STARD9: variants seen among roughly 807,000 people sequenced by gnomAD.
STARD9 encodes the protein stAR-related lipid transfer protein 9.
STARD9 carries 346 observed loss-of-function variants against 399.8 expected under a neutral mutation model. The observed-to-expected ratio is 0.87, with a 90% confidence interval of 0.79 to 0.95. The LOEUF is 0.95. STARD9 is among the 40% of genes least tolerant of loss of function. The pLI is 0.00. For synonymous variants in STARD9, 2,203 were observed against 2,143.5 expected, an observed-to-expected ratio of 1.03 and a Z score of -0.77; for missense variants, 5,832 against 5,667.5, an observed-to-expected ratio of 1.03 and a Z score of -0.93.
In STARD9 at chr15:42,692,980, A is replaced by C; in HGVS notation, c.11402A>C (p.Gln3801Pro). ...AQKMAQLLYL[Q>P]EESTPYKPQS... is the part of the protein sequence containing the mutation. ...AAAATGGCTCAGCTCCTCTATCTTC[A>C]GGAAGAAAGCACTCCCTACAAGCCC... Residue 3801 changes from glutamine (Q) to proline (P), a missense_variant, in exon 23 of 33, where the codon CAG (glutamine) becomes CCG (proline). By Grantham distance (76) the Gln-to-Pro change is moderately conservative. Transcript: ENST00000290607. The C allele has an allele frequency of 2.0e-6, 3 of 1,537,238 alleles. No individual in the cohort carries two copies. In the South Asian group the frequency reaches 3.6e-5, roughly 18 times the overall value.
chr15:42,580,396 C>G (rs1595572673), intron 1 of STARD9, among the ~76,000 whole-genome samples: 1 of 152,192 alleles, frequency 6.6e-6, no homozygotes, highest in Admixed American at 6.5e-5. Flanking sequence ...TTAGGCCCAC[C>G]AAGCCTCTGT....
In STARD9 at chr15:42,691,636, A is replaced by G. The variant is rs926336697; in HGVS notation, c.10058A>G (p.Gln3353Arg). The G allele has an allele frequency of 2.0e-6, 3 of 1,537,138 alleles. No individual in the cohort carries two copies. Among genetic ancestry groups the G allele is most frequent in the Admixed American group, 3.9e-5 (2 of 51,002 alleles). ...CCTTCCCCTACAGACGAAGATACAC[A>G]GGGGCCTAACAGATTGTGGAACCCA... ...EPPSPTDEDT[Q>R]GPNRLWNPHL... The change falls in exon 23 of 33, where the codon CAG becomes CGG. Residue 3353 changes from glutamine (Q) to arginine (R), a missense_variant. Physicochemically the swap from Gln to Arg is conservative, Grantham distance 43 (BLOSUM62 1). Around this residue, in one of 2 missense-constraint regions of STARD9, gnomAD observed 5,828 missense variants for 5,651.1 expected, o/e 1.03. Coordinates refer to ENST00000290607, the MANE Select transcript of STARD9 (RefSeq NM_020759.3).
chr15:42,699,422 T>G (rs2140327304), intron 26 of STARD9, among the ~76,000 whole-genome samples: 1 of 139,116 alleles, frequency 7.2e-6, no homozygotes, highest in African/African-American at 2.8e-5. Context: ...TGAGATGGAG[T>G]CTTGCTCTGT....
rs182571354 is a variant in STARD9 at position 42,578,596 on chromosome 15, A to G, written c.47+2834A>G. 3.4e-3 allele frequency among the ~76,000 whole-genome samples: 516 copies of G among 152,192 alleles called. 2 individuals carry two copies. The highest frequency in any genetic ancestry group is 0.012 in the African/African-American group (488 of 41,522). Reference sequence around the variant, plus strand: ...TCTAGAAGACTATTTGCCCTGTCAAAACTTACTCTTTACCCACTGTATAGC... The same window carrying G: ...TCTAGAAGACTATTTGCCCTGTCAAGACTTACTCTTTACCCACTGTATAGC... On this transcript the variant is annotated intron_variant, in intron 1 of 32. Transcript: ENST00000290607.
intron 3 of STARD9, among the ~76,000 whole-genome samples, chr15:42,593,960 G>T (rs1342164548): frequency 6.6e-6 from 1 of 151,828 alleles, no homozygotes; most frequent in African/African-American, 2.4e-5. Context: ...GAGCCACCGC[G>T]TGGTTGTGCT....
intron 26 of STARD9, among the ~76,000 whole-genome samples, chr15:42,709,853 G>C (rs946814623): frequency 3.9e-5 from 6 of 151,926 alleles, no homozygotes; most frequent in Non-Finnish European, 8.8e-5. Flanking sequence ...TTTATTAATT[G>C]GAACTTTTCT....
At chr15:42,630,931 GT>G (rs1031020369) in intron 3 of STARD9, among the ~76,000 whole-genome samples, 1 of 146,200 alleles carries the variant, frequency 6.8e-6, no homozygotes, top group Non-Finnish European at 1.5e-5. Flanking sequence ...TCTGCTCTAA[GT>G]TTTTTTCTTC....
At chr15:42,581,919 G>C (rs892235266) in intron 1 of STARD9, among the ~76,000 whole-genome samples, 3 of 152,146 alleles carry the variant, frequency 2.0e-5, no homozygotes, top group Non-Finnish European at 4.4e-5. Context: ...TGGAGACTGA[G>C]GCAGGAGAAT....
At chr15:42,715,945 C>G (rs996484745) in intron 26 of STARD9, among the ~76,000 whole-genome samples, 2 of 152,166 alleles carry the variant, frequency 1.3e-5, no homozygotes, top group Middle Eastern at 6.3e-3. Flanking sequence ...AGAGCTAAGC[C>G]AGAGGCAGAA....
chr15:42,611,012 T>C (rs374055633), intron 3 of STARD9, among the ~76,000 whole-genome samples: 13 of 152,228 alleles, frequency 8.5e-5, no homozygotes, highest in African/African-American at 2.9e-4. Context: ...TTCCAAGGAT[T>C]GAAAGTACCC....
intron 3 of STARD9, among the ~76,000 whole-genome samples, chr15:42,607,827 A>T (rs1444045695): frequency 6.6e-6 from 1 of 152,104 alleles, no homozygotes; most frequent in Non-Finnish European, 1.5e-5. Flanking sequence ...GTACTTACAC[A>T]GTAGGGAGGA....
At position 42,687,952 on chromosome 15, in the gene STARD9, T is replaced by G; in HGVS notation, c.6374T>G (p.Phe2125Cys). The change falls in exon 23 of 33, where the codon TTT becomes TGT. Residue 2125 changes from phenylalanine to cysteine, a missense_variant. Physicochemically the swap from Phe to Cys is radical, Grantham distance 205. This residue lies in a region of STARD9 where 5,828 missense variants were observed against 5,651.1 expected (regional missense o/e 1.03). Coordinates refer to ENST00000290607, the MANE Select transcript of STARD9 (RefSeq NM_020759.3). ...CCAAGACAGACAGATGATACTGTCT[T>G]TAGGGATAGTGAAGCTGGAGCGATG... is the stretch of plus-strand genomic sequence containing the variant. ...SSPRQTDDTV[F>C]RDSEAGAMEV... 6.5e-7 allele frequency: 1 copy of G among 1,537,352 alleles called. No individual in the cohort carries two copies. Among genetic ancestry groups the G allele is most frequent in the Non-Finnish European group, 8.7e-7 (1 of 1,146,962 alleles).
intron 26 of STARD9, among the ~76,000 whole-genome samples, chr15:42,714,314 C>T (rs2061313156): frequency 6.6e-6 from 1 of 152,124 alleles, no homozygotes; most frequent in African/African-American, 2.4e-5. Flanking sequence ...GATCCACCCG[C>T]CTCGGCCTAC....
At chr15:42,605,600 C>T (rs927206205) in intron 3 of STARD9, among the ~76,000 whole-genome samples, 15 of 152,204 alleles carry the variant, frequency 9.9e-5, no homozygotes, top group African/African-American at 3.6e-4. Flanking sequence ...TCTTGCTTCT[C>T]TTCCTAGAAG....
In STARD9 at chr15:42,718,014, AAG is replaced by A; in HGVS notation, c.13598_13599del (p.Lys4533SerfsTer28). The A allele has an allele frequency of 6.5e-7, 1 of 1,537,016 alleles. No individual in the cohort carries two copies. Among genetic ancestry groups the A allele is most frequent in the South Asian group, 1.2e-5 (1 of 84,038 alleles). ...GEEQAVQLYY[K>X]VFSPTRHGFL... ...GGAGCAGGCGGTGCAGCTTTACTAC[AAG>A]GTGTTTTCTCCCACTCGGCATGGCT... is the stretch of plus-strand genomic sequence containing the variant. On this transcript the variant is annotated frameshift_variant, in exon 30 of 33. Coordinates refer to ENST00000290607, the MANE Select transcript of STARD9 (RefSeq NM_020759.3). LOFTEE classifies it high-confidence loss of function.
At chr15:42,615,781 G>A (rs2058951356) in intron 3 of STARD9, among the ~76,000 whole-genome samples, 1 of 151,740 alleles carries the variant, frequency 6.6e-6, no homozygotes, top group Non-Finnish European at 1.5e-5. Context: ...ATTTTAAATA[G>A]TATTTTGTGT....
intron 1 of STARD9, 120 bp from the exon 2 acceptor site, chr15:42,583,226 A>G (rs1038338795): frequency 1.5e-6 from 1 of 674,760 alleles, no homozygotes; most frequent in African/African-American, 1.8e-5. Flanking sequence ...TTATGGAGAC[A>G]GACGCTTCTC....
chr15:42,718,893 G>A lies in STARD9; in HGVS notation c.13984G>A (p.Val4662Ile). Reference sequence around the variant, plus strand: ...TGTGGAAGGGAAGGAAGTCACCAGAGTCATCTACTTGGCCCAGGTGATAAA... The same window carrying A: ...TGTGGAAGGGAAGGAAGTCACCAGAATCATCTACTTGGCCCAGGTGATAAA... ...ITVEGKEVTRVIYLAQVELGA... is the reference protein window; with the variant it reads ...ITVEGKEVTRIIYLAQVELGA... The change falls in exon 32 of 33, where the codon GTC becomes ATC. Residue 4662 changes from valine (V) to isoleucine (I), a missense_variant. Transcript: ENST00000290607. 1 of 1,537,262 alleles carries A rather than the reference G, an allele frequency of 6.5e-7. No homozygotes were observed. Among genetic ancestry groups the A allele is most frequent in the East Asian group, 2.4e-5 (1 of 40,914 alleles).
chr15:42,692,037 A>G lies in STARD9; in HGVS notation c.10459A>G (p.Met3487Val), dbSNP rs1456026557. 1.6e-5 allele frequency: 25 copies of G among 1,537,240 alleles called. No homozygotes were observed. Among genetic ancestry groups the G allele is most frequent in the Non-Finnish European group, 2.1e-5 (24 of 1,146,910 alleles). ...EPARISWKQY[M>V]SGSAVDVSCS... ...TGCACGTATCAGCTGGAAGCAGTAT[A>G]TGTCTGGCAGTGCAGTCGATGTTTC... The change falls in exon 23 of 33, where the codon ATG becomes GTG. Residue 3487 changes from methionine (M) to valine (V), a missense_variant. By Grantham distance (21) the Met-to-Val change is conservative. Transcript: ENST00000290607.
Sources: allele counts gnomAD v4.1 joint callset (sites outside exome capture counted in the v4.1 genomes callset), GRCh38; gene constraint gnomAD v4.1.1; regional missense constraint gnomAD v4.1.1; transcripts MANE v1.5; gene names NCBI Gene and HGNC (gene_info 2026-07-23, HGNC 2026-07-21).